PPARGC1A: variants seen among roughly 807,000 people sequenced by gnomAD.
PPARGC1A encodes PPARG coactivator 1 alpha.
In PPARGC1A, 25 loss-of-function variants were observed where a neutral mutation model predicts 88.7. The ratio of observed to expected loss-of-function variants is 0.28; its 90% CI spans 0.21 to 0.39. The LOEUF is 0.39. Among genes scored for constraint, PPARGC1A ranks in the 10% least tolerant of loss-of-function variants. The pLI is 1.00. For synonymous variants in PPARGC1A, 363 were observed against 355.6 expected (o/e 1.02, Z -0.24); for missense variants, 880 against 968.7 (o/e 0.91, Z 1.22).
At chr4:24,221,201 G>A in the PPARGC1A span, among the ~76,000 whole-genome samples, 1 of 152,258 alleles carries the variant, frequency 6.6e-6, no homozygotes, top group South Asian at 2.1e-4. Context: ...CCTCCGAAGA[G>A]TTCTGAGTTT....
At chr4:23,832,429 T>C (rs1280112549) in intron 2 of PPARGC1A, among the ~76,000 whole-genome samples, 1 of 152,098 alleles carries the variant, frequency 6.6e-6, no homozygotes, top group African/African-American at 2.4e-5. Context: ...AACTGCTATT[T>C]CTTTTGACTT....
chr4:23,802,529 T>C (rs960235155), intron 10 of PPARGC1A, among the ~76,000 whole-genome samples, 184 bp from the exon 11 acceptor site: 1 of 151,480 alleles, frequency 6.6e-6, no homozygotes, highest in African/African-American at 2.4e-5. Flanking sequence ...AATACAAAAA[T>C]TGGCCAGGTG....
chr4:24,196,043 T>A, the PPARGC1A span, among the ~76,000 whole-genome samples: 1 of 152,228 alleles, frequency 6.6e-6, no homozygotes, highest in African/African-American at 2.4e-5. Flanking sequence ...CTATTTCATC[T>A]CATCTGATTT....
At chr4:24,339,227 T>TACACAC in the PPARGC1A span, among the ~76,000 whole-genome samples, 7 of 89,650 alleles carry the variant, frequency 7.8e-5, no homozygotes, top group Middle Eastern at 6.8e-3. Flanking sequence ...TATATATATA[T>TACACAC]ATATATATAT....
chr4:23,981,928 G>A, the PPARGC1A span, among the ~76,000 whole-genome samples: 3 of 152,082 alleles, frequency 2.0e-5, no homozygotes, highest in African/African-American at 7.2e-5. Context: ...TCGAAGAAAA[G>A]AAAAGCAGAA....
At chr4:24,391,727 C>T in the PPARGC1A span, among the ~76,000 whole-genome samples, 8 of 152,076 alleles carry the variant, frequency 5.3e-5, no homozygotes, top group Non-Finnish European at 1.2e-4. Flanking sequence ...CAGATCGAGG[C>T]AGAAAACAGC....
At chr4:24,352,946 G>A in the PPARGC1A span, among the ~76,000 whole-genome samples, 1 of 152,142 alleles carries the variant, frequency 6.6e-6, no homozygotes, top group African/African-American at 2.4e-5. Context: ...TATTACAGCT[G>A]AATTCAAAGA....
upstream of PPARGC1A, among the ~76,000 whole-genome samples, chr4:23,906,091 GATCTGAC>G (rs1247754312): frequency 6.6e-6 from 1 of 152,166 alleles, no homozygotes; most frequent in Non-Finnish European, 1.5e-5. Flanking sequence ...CTCTAAATTT[GATCTGAC>G]ATACCATTTA....
chr4:24,193,313 A>C, the PPARGC1A span, among the ~76,000 whole-genome samples: 1 of 152,196 alleles, frequency 6.6e-6, no homozygotes, highest in Non-Finnish European at 1.5e-5. Context: ...GATCTCTACC[A>C]CAGTAACATG....
the PPARGC1A span, among the ~76,000 whole-genome samples, chr4:23,946,773 C>A: frequency 6.6e-6 from 1 of 151,708 alleles, no homozygotes. Flanking sequence ...TTTTCAGGGG[C>A]AAATATTTCT....
chr4:23,935,400 T>G, the PPARGC1A span, among the ~76,000 whole-genome samples: 1,105 of 152,342 alleles, frequency 7.3e-3, 18 homozygotes, highest in African/African-American at 0.025. Flanking sequence ...GCTTACACAC[T>G]TAGCAGAGAA....
chr4:24,064,435 C>A, the PPARGC1A span, among the ~76,000 whole-genome samples: 1 of 151,996 alleles, frequency 6.6e-6, no homozygotes, highest in South Asian at 2.1e-4. Flanking sequence ...TTCCATTGCC[C>A]TGGATGCACA....
At chr4:24,121,370 C>A in the PPARGC1A span, among the ~76,000 whole-genome samples, 2 of 152,204 alleles carry the variant, frequency 1.3e-5, no homozygotes, top group African/African-American at 4.8e-5. Flanking sequence ...TCTCAGGGGT[C>A]ACGCTCACTA....
chr4:24,019,499 A>C, the PPARGC1A span, among the ~76,000 whole-genome samples: 5 of 152,168 alleles, frequency 3.3e-5, no homozygotes, highest in African/African-American at 1.2e-4. Flanking sequence ...CTGAGGGTAA[A>C]ATTTCAGCTC....
At chr4:24,006,856 A>G in the PPARGC1A span, among the ~76,000 whole-genome samples, 2 of 152,200 alleles carry the variant, frequency 1.3e-5, no homozygotes, top group Non-Finnish European at 2.9e-5. Flanking sequence ...CTGGTATGCA[A>G]CAGCACCAAC....
the PPARGC1A span, among the ~76,000 whole-genome samples, chr4:24,250,837 T>C: frequency 6.6e-6 from 1 of 152,122 alleles, no homozygotes. Flanking sequence ...CCTACTGGCT[T>C]CTCCCTCAGA....
chr4:23,842,314 T>C (rs2148613289), intron 2 of PPARGC1A, among the ~76,000 whole-genome samples: 1 of 152,224 alleles, frequency 6.6e-6, no homozygotes, highest in African/African-American at 2.4e-5. Flanking sequence ...TGATTTGCTC[T>C]TCTATTTGAA....
chr4:24,367,295 T>C, the PPARGC1A span, among the ~76,000 whole-genome samples: 21 of 152,154 alleles, frequency 1.4e-4, no homozygotes, highest in Non-Finnish European at 2.1e-4. Context: ...TAAATAGCCA[T>C]AACTAGGCCA....
At chr4:24,288,016 G>A in the PPARGC1A span, among the ~76,000 whole-genome samples, 2 of 152,060 alleles carry the variant, frequency 1.3e-5, no homozygotes, top group East Asian at 1.9e-4. Context: ...ACCCACCCTG[G>A]CAACTTTGCG....
Sources: allele counts gnomAD v4.1 joint callset (sites outside exome capture counted in the v4.1 genomes callset), GRCh38; gene constraint gnomAD v4.1.1; transcripts MANE v1.5; gene names NCBI Gene and HGNC (gene_info 2026-07-23, HGNC 2026-07-21).